The following EPB41L5 variants were observed in gnomAD, a reference collection of about 807,000 sequenced individuals.
EPB41L5 encodes erythrocyte membrane protein band 4.1 like 5.
EPB41L5 carries 55 observed loss-of-function variants against 106.6 expected under a neutral mutation model. That is an observed-to-expected ratio of 0.52 (90% CI 0.42 to 0.65). EPB41L5 has a LOEUF of 0.65. Among genes scored for constraint, EPB41L5 ranks in the 30% least tolerant of loss-of-function variants. EPB41L5 has a pLI of 0.00. For missense variants in EPB41L5, 871 were observed against 882.1 expected (o/e 0.99, Z 0.16); for synonymous variants, 297 against 306.7 (o/e 0.97, Z 0.33).
At position 120,168,117 on chromosome 2, in the gene EPB41L5, A is replaced by T. The variant is rs2276585; in HGVS notation, c.2135+110A>T. 3.2e-6 allele frequency: 4 copies of T among 1,244,320 alleles called. 1 individual carries two copies. In the South Asian group the frequency reaches 6.7e-5, roughly 21 times the overall value. The allele number at this position is 1,244,320 out of a possible 1,614,324, so 77.1% of individuals were successfully genotyped here. On this transcript the variant is annotated intron_variant, in intron 24 of 24. Transcript: ENST00000263713. ...ATGTCAATTCTTCCCTAACTGAACT[A>T]TATTGAAATGGGGCAAATCTTTTTT...
At chr2:120,108,958 G>A (rs1480111645) in intron 16 of EPB41L5, among the ~76,000 whole-genome samples, 2 of 152,164 alleles carry the variant, frequency 1.3e-5, no homozygotes, top group Non-Finnish European at 2.9e-5. Flanking sequence ...ATATCAGTCT[G>A]AGTCATCCAC....
At chr2:120,057,951 A>G (rs1680770115) in intron 3 of EPB41L5, among the ~76,000 whole-genome samples, 1 of 152,232 alleles carries the variant, frequency 6.6e-6, no homozygotes, top group Admixed American at 6.5e-5. Flanking sequence ...TGGAGAGTTA[A>G]CTGTACCGAT....
intron 3 of EPB41L5, among the ~76,000 whole-genome samples, chr2:120,045,827 A>G (rs112877760): frequency 3.5e-5 from 5 of 144,088 alleles, no homozygotes; most frequent in Non-Finnish European, 6.0e-5. Context: ...CCCCCCCTCA[A>G]TGACAGGCCC....
chr2:120,151,614 T>C (rs1338058516), intron 20 of EPB41L5, among the ~76,000 whole-genome samples: 2 of 133,382 alleles, frequency 1.5e-5, no homozygotes, highest in African/African-American at 7.5e-5. Context: ...CTGGCCCTTT[T>C]TTTTTTTTTT....
chr2:120,131,762 C>T, intron 18 of EPB41L5, 47 bp downstream of exon 18: 1 of 1,341,882 alleles, frequency 7.5e-7, no homozygotes, highest in Non-Finnish European at 1.1e-6. Context: ...CTCCAGAGCT[C>T]CCAGAAATAT....
At chr2:120,069,976 G>C in intron 3 of EPB41L5, among the ~76,000 whole-genome samples, 1 of 152,130 alleles carries the variant, frequency 6.6e-6, no homozygotes, top group East Asian at 1.9e-4. Flanking sequence ...CAGAACTGAA[G>C]GAGATAGAAA....
chr2:120,104,192 C>G, intron 16 of EPB41L5: 4 of 1,536,006 alleles, frequency 2.6e-6, no homozygotes, highest in Non-Finnish European at 2.6e-6. Flanking sequence ...ATGCAGGAAT[C>G]CGTCATGATG....
chr2:120,140,857 G>C (rs970518141), intron 18 of EPB41L5, among the ~76,000 whole-genome samples: 1 of 152,084 alleles, frequency 6.6e-6, no homozygotes, highest in Admixed American at 6.6e-5. Context: ...GCTATCAACA[G>C]TTGTTGTTTG....
At chr2:120,025,334 G>A (rs970625534) in intron 2 of EPB41L5, among the ~76,000 whole-genome samples, 1 of 152,038 alleles carries the variant, frequency 6.6e-6, no homozygotes, top group East Asian at 1.9e-4. Context: ...TGGGATCAGT[G>A]GTGATATCCT....
intron 20 of EPB41L5, among the ~76,000 whole-genome samples, chr2:120,148,143 C>T (rs897959390): frequency 6.6e-6 from 1 of 152,028 alleles, no homozygotes; most frequent in Non-Finnish European, 1.5e-5. Context: ...AGATTTAGAT[C>T]ATTTTTCTTT....
At chr2:120,083,713 C>G (rs983393361) in intron 10 of EPB41L5, among the ~76,000 whole-genome samples, 17 of 152,084 alleles carry the variant, frequency 1.1e-4, no homozygotes, top group African/African-American at 3.9e-4. Flanking sequence ...TTAAAGTCTC[C>G]CACATTATTG....
intron 3 of EPB41L5, among the ~76,000 whole-genome samples, chr2:120,046,500 G>GT (rs1679786070): frequency 3.3e-5 from 5 of 150,062 alleles, no homozygotes; most frequent in African/African-American, 9.9e-5. Context: ...TTTTTGATGG[G>GT]GTTGTTTTTT....
At chr2:120,068,926 G>A (rs1335169468) in intron 3 of EPB41L5, among the ~76,000 whole-genome samples, 8 of 151,684 alleles carry the variant, frequency 5.3e-5, no homozygotes, top group South Asian at 4.2e-4. Flanking sequence ...CTGGGAGTTC[G>A]AGACCAGCCT....
chr2:120,094,402 C>G (rs1683612053), intron 14 of EPB41L5, among the ~76,000 whole-genome samples: 1 of 148,940 alleles, frequency 6.7e-6, no homozygotes, highest in African/African-American at 2.5e-5. Flanking sequence ...TTCCCTTTTC[C>G]TTTGTATTTC....
chr2:120,022,712 T>C (rs993998432), intron 2 of EPB41L5, among the ~76,000 whole-genome samples: 1 of 152,230 alleles, frequency 6.6e-6, no homozygotes, highest in African/African-American at 2.4e-5. Context: ...ATGGAATTGC[T>C]GAGTCAGGTG....
intron 10 of EPB41L5, among the ~76,000 whole-genome samples, chr2:120,086,764 C>T (rs1335945147): frequency 1.3e-5 from 2 of 152,066 alleles, no homozygotes; most frequent in Non-Finnish European, 2.9e-5. Context: ...GAGTTGAAAA[C>T]CATCGTCAGT....
At chr2:120,105,773 A>G (rs1684416462) in intron 16 of EPB41L5, 1 of 985,378 alleles carries the variant, frequency 1.0e-6, no homozygotes, top group Non-Finnish European at 1.2e-6. Context: ...TTTAGACTTT[A>G]CATAGCTCAG....
At chr2:120,132,982 G>C (rs1237599727) in intron 18 of EPB41L5, among the ~76,000 whole-genome samples, 1 of 152,124 alleles carries the variant, frequency 6.6e-6, no homozygotes, top group Non-Finnish European at 1.5e-5. Context: ...TGATATAACT[G>C]ATCCTCTGAG....
intron 15 of EPB41L5, 38 bp downstream of exon 15, chr2:120,100,324 C>T (rs768135359): frequency 1.4e-5 from 22 of 1,582,470 alleles, no homozygotes; most frequent in Admixed American, 6.7e-5. Flanking sequence ...CTGGATCACC[C>T]GTTAATTATG....
Sources: gnomAD v4.1 joint callset for allele counts (sites outside exome capture counted in the v4.1 genomes callset) on GRCh38, gnomAD v4.1.1 for gene constraint, MANE v1.5 for transcripts, NCBI Gene and HGNC (gene_info 2026-07-23, HGNC 2026-07-21) for gene names.